SMCO2: variants seen among roughly 807,000 people sequenced by gnomAD.
The protein encoded by SMCO2 is single-pass membrane protein with coiled-coil domains 2.
Under a neutral mutation model 29.5 loss-of-function variants are expected in SMCO2, and 25 were observed. The observed-to-expected ratio is 0.85, with a 90% CI of 0.62 to 1.18. The LOEUF (loss-of-function observed/expected upper bound fraction) is 1.18, where lower values mean the gene tolerates loss of function less well. Ranked by LOEUF, SMCO2 falls within the 50% of genes most tolerant of loss-of-function variation. The probability of loss-of-function intolerance (pLI) is 0.00; values close to 1 mark genes in which losing one functional copy is unlikely to be tolerated. For synonymous variants in SMCO2, 117 were observed against 123.3 expected (o/e 0.95, Z 0.34); for missense variants, 348 against 344.5 (o/e 1.01, Z -0.08).
chr12:27,482,971 C>T (rs1046613801), intron 4 of SMCO2, among the ~76,000 whole-genome samples: 8 of 152,244 alleles, frequency 5.3e-5, no homozygotes, highest in African/African-American at 1.9e-4. Context: ...AAGCAATCCT[C>T]CCTTCTTGAC....
At chr12:27,460,135 A>G in the SMCO2 span, among the ~76,000 whole-genome samples, 1 of 152,224 alleles carries the variant, frequency 6.6e-6, no homozygotes, top group African/African-American at 2.4e-5. Flanking sequence ...TTTCTGTGAG[A>G]CCATCTTTAT....
the SMCO2 span, among the ~76,000 whole-genome samples, chr12:27,445,543 A>T: frequency 5.3e-5 from 8 of 152,238 alleles, no homozygotes; most frequent in Non-Finnish European, 1.2e-4. Context: ...ATGAAACAAA[A>T]GCCACAATTT....
At chr12:27,489,192 G>A (rs1008201917) in intron 5 of SMCO2, among the ~76,000 whole-genome samples, 10 of 152,128 alleles carry the variant, frequency 6.6e-5, no homozygotes, top group Admixed American at 5.2e-4. Context: ...GGGATTACGG[G>A]TGTGTGCCAC....
At chr12:27,491,751 T>G (rs1942914659) in intron 5 of SMCO2, among the ~76,000 whole-genome samples, 1 of 151,746 alleles carries the variant, frequency 6.6e-6, no homozygotes. Context: ...TTGCCCATGT[T>G]GGAAGACAAT....
the SMCO2 span, among the ~76,000 whole-genome samples, chr12:27,435,282 ACCCCC>A: frequency 2.2e-3 from 50 of 22,292 alleles, 13 homozygotes; most frequent in Admixed American, 0.026. Flanking sequence ...TGGCAGCAGA[ACCCCC>A]CCCCCCCCCC....
At chr12:27,453,792 G>A in the SMCO2 span, among the ~76,000 whole-genome samples, 2 of 152,148 alleles carry the variant, frequency 1.3e-5, no homozygotes, top group Admixed American at 6.5e-5. Flanking sequence ...CTGTTAACTA[G>A]CATTAGTTTT....
intron 1 of SMCO2, among the ~76,000 whole-genome samples, chr12:27,467,767 A>G (rs1949509005): frequency 6.6e-6 from 1 of 152,170 alleles, no homozygotes; most frequent in Non-Finnish European, 1.5e-5. Flanking sequence ...GACAAGTCCC[A>G]GGTCATCTCT....
chr12:27,486,731 T>C (rs571772417), intron 4 of SMCO2, among the ~76,000 whole-genome samples: 9 of 152,254 alleles, frequency 5.9e-5, no homozygotes, highest in Non-Finnish European at 1.2e-4. Flanking sequence ...ACATAGTAAA[T>C]GCTGAACAAA....
At chr12:27,427,398 G>A in the SMCO2 span, among the ~76,000 whole-genome samples, 6 of 152,240 alleles carry the variant, frequency 3.9e-5, no homozygotes, top group Non-Finnish European at 8.8e-5. Context: ...TTTGAGAACC[G>A]CTGATCTTGC....
chr12:27,444,983 A>G, the SMCO2 span, among the ~76,000 whole-genome samples: 1 of 152,258 alleles, frequency 6.6e-6, no homozygotes, highest in South Asian at 2.1e-4. Flanking sequence ...TGATATATAT[A>G]TACACAGTGG....
At chr12:27,423,324 C>CTTTTTTTTTTTTTT in the SMCO2 span, 36 of 85,906 alleles carry the variant, frequency 4.2e-4, no homozygotes, top group Admixed American at 4.9e-4. Context: ...CTTTTCTTTT[C>CTTTTTTTTTTTTTT]TTTTTTTTTT....
chr12:27,451,051 A>G, the SMCO2 span, among the ~76,000 whole-genome samples: 1 of 152,368 alleles, frequency 6.6e-6, no homozygotes, highest in East Asian at 1.9e-4. Context: ...ATCTTTTCTC[A>G]TGTAAATAAT....
At chr12:27,463,481 G>A (rs545780180), upstream of SMCO2, among the ~76,000 whole-genome samples, 24 of 152,180 alleles carry the variant, frequency 1.6e-4, no homozygotes, top group Middle Eastern at 3.4e-3. Flanking sequence ...TGGCCAGGCT[G>A]GTCTCAAACT....
chr12:27,491,227 A>G (rs1359336813), intron 5 of SMCO2, among the ~76,000 whole-genome samples: 1 of 152,178 alleles, frequency 6.6e-6, no homozygotes, highest in Non-Finnish European at 1.5e-5. Context: ...TGGTGAAATT[A>G]TTTTTTAAAA....
At chr12:27,473,140 C>A in intron 3 of SMCO2, 1 of 360,964 alleles carries the variant, frequency 2.8e-6, no homozygotes, top group African/African-American at 2.1e-5. Context: ...TTATTTTTGT[C>A]CTCGGGAATT....
At chr12:27,473,069 C>A (rs1565674808) in intron 3 of SMCO2, 194 bp downstream of exon 3, 1 of 504,228 alleles carries the variant, frequency 2.0e-6, no homozygotes. Context: ...CTGCTGTTAC[C>A]ACATGAAGGA....
chr12:27,470,242 CT>C (rs1187731059), intron 1 of SMCO2, among the ~76,000 whole-genome samples: 1 of 152,090 alleles, frequency 6.6e-6, no homozygotes, highest in African/African-American at 2.4e-5. Flanking sequence ...AATGATTTTA[CT>C]TTTTTCTTTT....
chr12:27,477,576 A>AT (rs57055231), intron 4 of SMCO2, among the ~76,000 whole-genome samples: 113,461 of 147,954 alleles, frequency 0.77, 44,622 homozygotes, highest in East Asian at 0.96. Context: ...ATATCCAAAT[A>AT]TTGGTTTCCT....
intron 7 of SMCO2, among the ~76,000 whole-genome samples, chr12:27,499,310 GCT>G (rs1659713787): frequency 6.6e-6 from 1 of 150,834 alleles, no homozygotes; most frequent in South Asian, 2.1e-4. Context: ...AAAACATTGT[GCT>G]CAGTGAAAGA....
Sources: allele counts gnomAD v4.1 joint callset (sites outside exome capture counted in the v4.1 genomes callset), GRCh38; gene constraint gnomAD v4.1.1; transcripts MANE v1.5; gene names NCBI Gene and HGNC (gene_info 2026-07-23, HGNC 2026-07-21).